Variants in SLC1A3 observed in about 807,000 individuals in gnomAD.
The protein encoded by SLC1A3 is excitatory amino acid transporter 1.
Under a neutral mutation model 48.1 loss-of-function variants are expected in SLC1A3, and 21 were observed. The observed-to-expected ratio is 0.44, with a 90% CI of 0.31 to 0.63. The LOEUF is 0.63. Ranked by LOEUF, SLC1A3 falls within the 20% of genes least tolerant of loss-of-function variation. The pLI is 0.08. For missense variants in SLC1A3, 546 were observed against 689.0 expected (o/e 0.79, Z 2.32); for synonymous variants, 239 against 251.4 (o/e 0.95, Z 0.47).
chr5:36,659,248 T>C (rs1402189278), intron 3 of SLC1A3, among the ~76,000 whole-genome samples: 2 of 152,152 alleles, frequency 1.3e-5, no homozygotes, highest in South Asian at 4.1e-4. Context: ...AACCTCCCTG[T>C]TTCCTAATCC....
chr5:36,612,085 G>GCA (rs144428325), intron 2 of SLC1A3, among the ~76,000 whole-genome samples: 19,685 of 147,906 alleles, frequency 0.13, 1,485 homozygotes, highest in African/African-American at 0.21. Context: ...ACACACACAC[G>GCA]CACACACACA....
At chr5:36,676,842 G>C in intron 5 of SLC1A3, 50 bp from the exon 6 acceptor site, 1 of 1,426,178 alleles carries the variant, frequency 7.0e-7, no homozygotes, top group Non-Finnish European at 9.6e-7. Context: ...AAAATATAAA[G>C]AAAAAAATAA....
At chr5:36,630,330 T>C (rs1186338724) in intron 3 of SLC1A3, 3 of 152,360 alleles carry the variant, frequency 2.0e-5, no homozygotes, top group African/African-American at 7.2e-5. Context: ...TTTGTCTATG[T>C]GATTGGTGAA....
At chr5:36,646,445 A>G (rs1740844175) in intron 3 of SLC1A3, among the ~76,000 whole-genome samples, 1 of 152,228 alleles carries the variant, frequency 6.6e-6, no homozygotes, top group Non-Finnish European at 1.5e-5. Flanking sequence ...GGAAATTTAA[A>G]TGTTAAGTAT....
At chr5:36,636,084 G>GTGTGT (rs1554041125) in intron 3 of SLC1A3, 1 of 34,652 alleles carries the variant, frequency 2.9e-5, no homozygotes, top group African/African-American at 1.8e-4. Flanking sequence ...TGTGTATTTA[G>GTGTGT]GTTTTGGTGA....
At chr5:36,604,340 A>G (rs1456400842), upstream of SLC1A3, among the ~76,000 whole-genome samples, 1 of 87,504 alleles carries the variant, frequency 1.1e-5, no homozygotes, top group African/African-American at 1.1e-4. Context: ...TTCTAGAAGG[A>G]AAAAAAAAGA....
chr5:36,651,747 C>T (rs1243952574), intron 3 of SLC1A3, among the ~76,000 whole-genome samples: 3 of 152,052 alleles, frequency 2.0e-5, no homozygotes, highest in African/African-American at 7.2e-5. Context: ...AAAACAGGGA[C>T]CATTTTGTTC....
At chr5:36,675,345 C>T (rs1742163370) in intron 5 of SLC1A3, among the ~76,000 whole-genome samples, 2 of 152,168 alleles carry the variant, frequency 1.3e-5, no homozygotes, top group Non-Finnish European at 1.5e-5. Flanking sequence ...ATCCAACCAG[C>T]CAACTCTAGC....
At position 36,640,185 on chromosome 5, in the gene SLC1A3, C is replaced by T. The variant is rs999095586; in HGVS notation, c.319+10598C>T. Among the ~76,000 whole-genome samples the T allele has an allele frequency of 2.6e-5, 4 of 152,312 alleles. 1 individual carries two copies. The highest frequency in any genetic ancestry group is 9.6e-5 in the African/African-American group (4 of 41,564). ...GCAGAAAGAAAACTTTGGGATAGTG[C>T]TATTCTCTGCTGAAGGACGGATTTA... On this transcript the variant is annotated intron_variant, in intron 3 of 9. Transcript: ENST00000265113.
At chr5:36,636,585 CTTCCT>C (rs1239230374) in intron 3 of SLC1A3, among the ~76,000 whole-genome samples, 1 of 130,494 alleles carries the variant, frequency 7.7e-6, no homozygotes, top group Non-Finnish European at 1.6e-5. Flanking sequence ...CTTTCTTTTT[CTTCCT>C]TTCTTCTTTC....
At chr5:36,612,084 C>T (rs562500640) in intron 2 of SLC1A3, among the ~76,000 whole-genome samples, 2 of 148,356 alleles carry the variant, frequency 1.3e-5, no homozygotes, top group Non-Finnish European at 3.0e-5. Context: ...CACACACACA[C>T]GCACACACAC....
At chr5:36,653,037 A>G (rs948157316) in intron 3 of SLC1A3, among the ~76,000 whole-genome samples, 6 of 152,204 alleles carry the variant, frequency 3.9e-5, no homozygotes, top group Non-Finnish European at 7.4e-5. Flanking sequence ...TTCTTGTTTT[A>G]TGACCTCTTA....
chr5:36,632,717 C>T (rs1740183633), intron 3 of SLC1A3, among the ~76,000 whole-genome samples: 1 of 152,170 alleles, frequency 6.6e-6, no homozygotes, highest in South Asian at 2.1e-4. Context: ...TTGGACTAAG[C>T]TTTTTATTGT....
intron 8 of SLC1A3, among the ~76,000 whole-genome samples, chr5:36,681,866 G>A (rs1453222633): frequency 6.6e-6 from 1 of 152,118 alleles, no homozygotes; most frequent in Non-Finnish European, 1.5e-5. Flanking sequence ...AGCAAACTAA[G>A]TCAGATTTGG....
chr5:36,612,087 A>G (rs975615885), intron 2 of SLC1A3, among the ~76,000 whole-genome samples: 6 of 148,662 alleles, frequency 4.0e-5, no homozygotes, highest in Admixed American at 6.8e-5. Flanking sequence ...ACACACACGC[A>G]CACACACACA....
At chr5:36,654,758 A>T (rs957484788) in intron 3 of SLC1A3, among the ~76,000 whole-genome samples, 2 of 152,146 alleles carry the variant, frequency 1.3e-5, no homozygotes, top group Non-Finnish European at 2.9e-5. Context: ...TTCATTCAGT[A>T]TTGAGGCCCT....
chr5:36,665,374 G>A lies in SLC1A3; in HGVS notation c.320-5655G>A, dbSNP rs118022749. On this transcript the variant is annotated intron_variant, in intron 3 of 9. Transcript: ENST00000265113. ...TGCAATGAATAAAACAGATGGTCCC[G>A]CTCTCTTGGCACTAAAATTCTGGTA... 2.2e-4 allele frequency among the ~76,000 whole-genome samples: 33 copies of A among 152,300 alleles called. No homozygotes were observed. The Middle Eastern group carries it at 0.01, about 47-fold the overall frequency.
At chr5:36,666,050 T>C (rs1176021215) in intron 3 of SLC1A3, among the ~76,000 whole-genome samples, 1 of 152,158 alleles carries the variant, frequency 6.6e-6, no homozygotes, top group Non-Finnish European at 1.5e-5. Context: ...TTGAAGTGAC[T>C]TTCTTTGTGC....
At chr5:36,671,428 G>A (rs577005413) in intron 4 of SLC1A3, among the ~76,000 whole-genome samples, 195 bp downstream of exon 4, 63 of 152,270 alleles carry the variant, frequency 4.1e-4, no homozygotes, top group Non-Finnish European at 6.6e-4. Context: ...TGAGAGAGGC[G>A]AAAAGAGCAA....
Sources: allele counts gnomAD v4.1 joint callset (sites outside exome capture counted in the v4.1 genomes callset), GRCh38; gene constraint gnomAD v4.1.1; transcripts MANE v1.5; gene names NCBI Gene and HGNC (gene_info 2026-07-23, HGNC 2026-07-21).